Variants in KLRG1 observed in about 807,000 individuals in gnomAD.
KLRG1 encodes killer cell lectin like receptor G1, also known as killer cell lectin-like receptor subfamily G member 1.
In KLRG1, 16 loss-of-function variants were observed where a neutral mutation model predicts 21.8. The observed-to-expected ratio is 0.73, with a 90% CI of 0.50 to 1.11. The LOEUF (loss-of-function observed/expected upper bound fraction) is 1.11. KLRG1 is among the 50% of genes most tolerant of loss of function. The pLI is 0.00. For synonymous variants in KLRG1, 69 were observed against 75.9 expected (o/e 0.91, Z 0.47); for missense variants, 173 against 218.3 (o/e 0.79, Z 1.31).
chr12:8,992,040 G>C (rs1946986587), intron 1 of KLRG1, 166 bp from the exon 2 acceptor site: 3 of 565,728 alleles, frequency 5.3e-6, no homozygotes, highest in Non-Finnish European at 9.5e-6. Flanking sequence ...GGTTACCTTA[G>C]ACTTTAGAGC....
At chr12:9,202,570 C>T in the KLRG1 span, 6 of 1,614,082 alleles carry the variant, frequency 3.7e-6, no homozygotes, top group Non-Finnish European at 5.1e-6. Flanking sequence ...TGGACAAAGA[C>T]CAGACTTTGG....
At chr12:9,014,898 C>T (rs1207971125), downstream of KLRG1, among the ~76,000 whole-genome samples, 1 of 151,982 alleles carries the variant, frequency 6.6e-6, no homozygotes, top group Non-Finnish European at 1.5e-5. Flanking sequence ...TTTGTTTTCT[C>T]TTTGCTTCTT....
chr12:9,160,589 G>T, the KLRG1 span: 1 of 1,132,962 alleles, frequency 8.8e-7, no homozygotes, highest in Non-Finnish European at 1.3e-6. Context: ...CTATCATTTA[G>T]GTAAGAGAAA....
At chr12:9,016,926 T>A in the KLRG1 span, among the ~76,000 whole-genome samples, 8 of 151,922 alleles carry the variant, frequency 5.3e-5, no homozygotes, top group Admixed American at 2.0e-4. Flanking sequence ...CAAACTATTT[T>A]AAAAAATAGA....
At chr12:8,992,337 A>G (rs1946997175) in intron 2 of KLRG1, 27 bp downstream of exon 2, 3 of 1,462,976 alleles carry the variant, frequency 2.1e-6, no homozygotes, top group Non-Finnish European at 2.8e-6. Flanking sequence ...ACCAAAATTA[A>G]TCTTTCATTT....
chr12:9,136,139 G>A, the KLRG1 span, among the ~76,000 whole-genome samples: 1 of 152,198 alleles, frequency 6.6e-6, no homozygotes, highest in Non-Finnish European at 1.5e-5. Flanking sequence ...GACCTTGAAA[G>A]TAGCAAGTGA....
At chr12:9,034,036 C>T in the KLRG1 span, among the ~76,000 whole-genome samples, 4 of 152,094 alleles carry the variant, frequency 2.6e-5, no homozygotes, top group South Asian at 6.2e-4. Context: ...TGTAGGATCT[C>T]CTAAAAATCC....
At chr12:9,171,067 G>C in the KLRG1 span, among the ~76,000 whole-genome samples, 2 of 152,150 alleles carry the variant, frequency 1.3e-5, no homozygotes, top group Non-Finnish European at 2.9e-5. Flanking sequence ...TCCCAATGAG[G>C]GTCTCCAGCC....
chr12:9,048,157 TCAAA>T, the KLRG1 span, among the ~76,000 whole-genome samples: 1 of 151,936 alleles, frequency 6.6e-6, no homozygotes, highest in Non-Finnish European at 1.5e-5. Context: ...AGAATAGAAA[TCAAA>T]CAAAGTATGT....
chr12:9,121,117 C>G, the KLRG1 span, among the ~76,000 whole-genome samples: 1 of 152,014 alleles, frequency 6.6e-6, no homozygotes, highest in African/African-American at 2.4e-5. The surrounding 1 kb of genome is among the most constrained non-coding windows in gnomAD (Gnocchi z 4.4). Flanking sequence ...AAGTCCTGGC[C>G]TCACGGGATC....
At chr12:9,214,674 TGCAATGCGTCCGTCCAGATA>T in the KLRG1 span, among the ~76,000 whole-genome samples, 1 of 152,054 alleles carries the variant, frequency 6.6e-6, no homozygotes, top group Non-Finnish European at 1.5e-5. Flanking sequence ...TACCTTTTGT[TGCAATGCGTCCGTCCAGATA>T]GCAGTTATTT....
At chr12:8,996,897 G>A (rs1947148635) in intron 3 of KLRG1, among the ~76,000 whole-genome samples, 1 of 152,074 alleles carries the variant, frequency 6.6e-6, no homozygotes, top group Non-Finnish European at 1.5e-5. Context: ...AAACATTGAG[G>A]GCAAAACTGA....
chr12:9,201,413 T>G, the KLRG1 span: 1 of 1,273,852 alleles, frequency 7.9e-7, no homozygotes, highest in Non-Finnish European at 1.1e-6. Context: ...TTCAGACTTG[T>G]GATCAAACAA....
the KLRG1 span, among the ~76,000 whole-genome samples, chr12:9,146,137 T>C: frequency 6.6e-6 from 1 of 152,106 alleles, no homozygotes; most frequent in African/African-American, 2.4e-5. Context: ...TCTATTCTCC[T>C]TTTCTGACTC....
chr12:8,970,702 TAACATTC>T (rs1207191703), intron 1 of KLRG1, among the ~76,000 whole-genome samples: 1 of 152,272 alleles, frequency 6.6e-6, no homozygotes, highest in Non-Finnish European at 1.5e-5. Flanking sequence ...CTTACTGAGA[TAACATTC>T]AATATTTCAC....
the KLRG1 span, chr12:9,106,357 G>A: frequency 1.3e-6 from 2 of 1,568,200 alleles, no homozygotes; most frequent in Admixed American, 1.8e-5. Flanking sequence ...TGAAAAAAGA[G>A]AAAAAAATCT....
At chr12:8,963,303 C>T (rs1946410639) in intron 1 of KLRG1, among the ~76,000 whole-genome samples, 1 of 152,068 alleles carries the variant, frequency 6.6e-6, no homozygotes, top group East Asian at 1.9e-4. Flanking sequence ...GAAAATAACA[C>T]CAAGGGAAAA....
chr12:9,062,514 T>C, the KLRG1 span, among the ~76,000 whole-genome samples: 3 of 147,198 alleles, frequency 2.0e-5, no homozygotes, highest in African/African-American at 7.4e-5. Context: ...CCTGACACAA[T>C]AGATGGATAA....
chr12:8,950,668 A>G (rs1457991626), intron 1 of KLRG1, among the ~76,000 whole-genome samples: 1 of 151,048 alleles, frequency 6.6e-6, no homozygotes, highest in African/African-American at 2.4e-5. Context: ...TACCCCTCTC[A>G]TTAGAACTAC....
Sources: gnomAD v4.1 joint callset for allele counts (sites outside exome capture counted in the v4.1 genomes callset) on GRCh38, gnomAD v4.1.1 for gene constraint, Gnocchi (gnomAD v3.1) non-coding constraint, MANE v1.5 for transcripts, NCBI Gene and HGNC (gene_info 2026-07-23, HGNC 2026-07-21) for gene names.